UBXN7: variants seen among roughly 807,000 people sequenced by gnomAD.
The protein encoded by UBXN7 is UBX domain protein 7, also known as UBX domain-containing protein 7.
In UBXN7, 9 loss-of-function variants were observed where a neutral mutation model predicts 58.0. The ratio of observed to expected loss-of-function variants is 0.16; its 90% CI spans 0.09 to 0.27. UBXN7 has a LOEUF of 0.27. UBXN7 is among the 10% of genes least tolerant of loss of function. The probability of loss-of-function intolerance (pLI) is 1.00; values close to 1 mark genes in which losing one functional copy is unlikely to be tolerated. For synonymous variants in UBXN7, 208 were observed against 205.0 expected (o/e 1.01, Z -0.12); for missense variants, 328 against 599.6 (o/e 0.55, Z 4.73).
At chr3:196,376,157 AATTTT>A (rs1215597106) in intron 5 of UBXN7, among the ~76,000 whole-genome samples, 1 of 152,242 alleles carries the variant, frequency 6.6e-6, no homozygotes, top group African/African-American at 2.4e-5. Context: ...TGGAAATTAC[AATTTT>A]ATTTTTCCTT....
intron 1 of UBXN7, among the ~76,000 whole-genome samples, chr3:196,430,229 C>A (rs1336228968): frequency 1.3e-5 from 2 of 151,876 alleles, no homozygotes; most frequent in African/African-American, 4.8e-5. Flanking sequence ...GTGACAGGCG[C>A]TTGTAGTCCC....
At chr3:196,375,053 GGAA>G in intron 5 of UBXN7, among the ~76,000 whole-genome samples, 1 of 122,318 alleles carries the variant, frequency 8.2e-6, no homozygotes, top group Non-Finnish European at 1.7e-5. Flanking sequence ...GGAAAGGAAA[GGAA>G]AAAGGAGAGG....
At chr3:196,390,240 G>A (rs1729536042) in intron 5 of UBXN7, among the ~76,000 whole-genome samples, 1 of 151,772 alleles carries the variant, frequency 6.6e-6, no homozygotes, top group African/African-American at 2.4e-5. Flanking sequence ...ACAAAGAAAA[G>A]GGAAAGATAG....
At chr3:196,417,724 T>TAAAAAAAAA in intron 1 of UBXN7, among the ~76,000 whole-genome samples, 1 of 31,656 alleles carries the variant, frequency 3.2e-5, no homozygotes, top group Non-Finnish European at 5.6e-5. Context: ...GCAAAATGGT[T>TAAAAAAAAA]AAAAAAAAAA....
At chr3:196,373,894 T>A (rs1728914579) in intron 5 of UBXN7, among the ~76,000 whole-genome samples, 1 of 152,300 alleles carries the variant, frequency 6.6e-6, no homozygotes, top group South Asian at 2.1e-4. Context: ...GCTTACTGAT[T>A]CCATGGGTGA....
intron 1 of UBXN7, among the ~76,000 whole-genome samples, chr3:196,409,117 T>TG (rs1730248996): frequency 6.6e-6 from 1 of 152,178 alleles, no homozygotes; most frequent in Non-Finnish European, 1.5e-5. Context: ...TGGTGCATTG[T>TG]GGGTAATCTC....
At chr3:196,418,615 C>T (rs944990636) in intron 1 of UBXN7, among the ~76,000 whole-genome samples, 1 of 152,170 alleles carries the variant, frequency 6.6e-6, no homozygotes, top group Admixed American at 6.6e-5. Flanking sequence ...ACATCTATAA[C>T]AGCACTCCAG....
chr3:196,401,823 G>GAAAGAAGAGA (rs1553853058), intron 3 of UBXN7, among the ~76,000 whole-genome samples: 1 of 120,314 alleles, frequency 8.3e-6, no homozygotes, highest in Non-Finnish European at 1.7e-5. Flanking sequence ...GAAAAGAGAA[G>GAAAGAAGAGA]AGAGAAGAGA....
chr3:196,373,975 T>C (rs779350615), intron 5 of UBXN7, among the ~76,000 whole-genome samples: 15 of 152,350 alleles, frequency 9.8e-5, no homozygotes, highest in Non-Finnish European at 2.1e-4. Context: ...CAAAGGCTTA[T>C]TTTAAAATAT....
chr3:196,389,842 T>C (rs1490619967), intron 5 of UBXN7, among the ~76,000 whole-genome samples: 1 of 152,180 alleles, frequency 6.6e-6, no homozygotes, highest in East Asian at 1.9e-4. Flanking sequence ...ACTTCATGTA[T>C]GACAGTGTAA....
intron 2 of UBXN7, among the ~76,000 whole-genome samples, chr3:196,404,241 A>T (rs1408305625): frequency 6.6e-6 from 1 of 151,792 alleles, no homozygotes; most frequent in Non-Finnish European, 1.5e-5. Context: ...ATTCCATATA[A>T]ATTTATGTTA....
At chr3:196,363,425 G>T (rs1372329163) in intron 8 of UBXN7, among the ~76,000 whole-genome samples, 1 of 151,698 alleles carries the variant, frequency 6.6e-6, no homozygotes, top group Admixed American at 6.6e-5. Context: ...GGGAGGCCCA[G>T]GTGGGTGGAT....
At chr3:196,403,245 C>T (rs1309514453) in intron 2 of UBXN7, among the ~76,000 whole-genome samples, 4 of 152,126 alleles carry the variant, frequency 2.6e-5, no homozygotes, top group Non-Finnish European at 5.9e-5. Context: ...GCAACCTCCA[C>T]CTCCCGAGTT....
At chr3:196,427,575 C>G (rs1256947561) in intron 1 of UBXN7, among the ~76,000 whole-genome samples, 1 of 152,198 alleles carries the variant, frequency 6.6e-6, no homozygotes, top group African/African-American at 2.4e-5. Context: ...GCCTTGGCCT[C>G]CCAAAGTGCC....
chr3:196,418,655 G>A lies in UBXN7; in HGVS notation c.74-11262C>T, dbSNP rs377458834. On this transcript the variant is annotated intron_variant, in intron 1 of 10. Coordinates refer to ENST00000296328, the MANE Select transcript of UBXN7 (RefSeq NM_015562.2). ...ACTGAGAAGCACTGAGAGGTGATAG[G>A]GAGGCAGTAGAAAACTAAATACAAG... is the stretch of plus-strand genomic sequence containing the variant. Among the ~76,000 whole-genome samples the A allele has an allele frequency of 2.2e-4, 33 of 152,266 alleles. No individual in the cohort carries two copies. In the South Asian group the frequency reaches 4.4e-3, roughly 20 times the overall value.
chr3:196,385,371 G>A (rs879054489), intron 5 of UBXN7, among the ~76,000 whole-genome samples: 2 of 152,124 alleles, frequency 1.3e-5, no homozygotes, highest in African/African-American at 2.4e-5. Context: ...CCTCCCAGCC[G>A]CCTGCCTTGG....
chr3:196,409,646 G>A (rs984027261), intron 1 of UBXN7, among the ~76,000 whole-genome samples: 20 of 152,122 alleles, frequency 1.3e-4, no homozygotes, highest in African/African-American at 4.8e-5. Context: ...AAATGTGACT[G>A]TAACAATCTT....
At chr3:196,397,973 T>C (rs533022910) in intron 3 of UBXN7, among the ~76,000 whole-genome samples, 1 of 152,312 alleles carries the variant, frequency 6.6e-6, no homozygotes, top group Non-Finnish European at 1.5e-5. Context: ...CCCCCAATTT[T>C]CCCTGTCTCC....
rs375361465 is a variant in UBXN7 at position 196,374,253 on chromosome 3, G to A, written c.469-2211C>T. ...AACTGAAAATGAATAAAAGTCCAGA[G>A]TTTAAAATGGAAGAGTCACTTTTTT... On this transcript the variant is annotated intron_variant, in intron 5 of 10. Transcript: ENST00000296328. Among the ~76,000 whole-genome samples the A allele has an allele frequency of 2.5e-4, 37 of 150,074 alleles. 1 individual carries two copies. The South Asian group carries it at 7.4e-3, about 30-fold the overall frequency.
Sources: allele counts gnomAD v4.1 joint callset (sites outside exome capture counted in the v4.1 genomes callset), GRCh38; gene constraint gnomAD v4.1.1; transcripts MANE v1.5; gene names NCBI Gene and HGNC (gene_info 2026-07-23, HGNC 2026-07-21).